The following SCD5 variants were observed in gnomAD, a reference collection of about 807,000 sequenced individuals.
SCD5 encodes acyl-CoA-desaturase 4.
In SCD5, 20 loss-of-function variants were observed where a neutral mutation model predicts 30.4. That is an observed-to-expected ratio of 0.66 (90% confidence interval 0.46 to 0.96). SCD5 has a LOEUF of 0.96. Ranked by LOEUF, SCD5 falls within the 40% of genes least tolerant of loss-of-function variation. SCD5 has a pLI of 0.00. For synonymous variants in SCD5, 173 were observed against 176.4 expected (o/e 0.98, Z 0.16); for missense variants, 381 against 443.3 (o/e 0.86, Z 1.26).
At chr4:82,670,727 T>C (rs1020574474) in intron 3 of SCD5, among the ~76,000 whole-genome samples, 10 of 151,838 alleles carry the variant, frequency 6.6e-5, no homozygotes, top group African/African-American at 2.2e-4. Context: ...TCAATTGATA[T>C]GGCAAATATC....
chr4:82,782,650 T>C (rs1721897099), intron 1 of SCD5, among the ~76,000 whole-genome samples: 1 of 148,434 alleles, frequency 6.7e-6, no homozygotes, highest in East Asian at 2.1e-4. Flanking sequence ...CCCACCCCCA[T>C]CCTCCCCCAA....
intron 3 of SCD5, among the ~76,000 whole-genome samples, chr4:82,657,048 T>A (rs988983489): frequency 3.9e-5 from 6 of 152,108 alleles, no homozygotes; most frequent in African/African-American, 1.4e-4. Flanking sequence ...TCTGTAGGTT[T>A]CCTGTTCACT....
chr4:82,642,761 TGA>T (rs1380135131), intron 3 of SCD5, among the ~76,000 whole-genome samples: 1 of 152,244 alleles, frequency 6.6e-6, no homozygotes, highest in Admixed American at 6.5e-5. Flanking sequence ...TGACTGATGC[TGA>T]GCACCCACTG....
chr4:82,731,727 C>T (rs1304196845), intron 1 of SCD5, among the ~76,000 whole-genome samples: 1 of 152,200 alleles, frequency 6.6e-6, no homozygotes, highest in Admixed American at 6.5e-5. Context: ...GAAGTCCCAT[C>T]ACACCCCACC....
chr4:82,777,963 A>G (rs529107686), intron 1 of SCD5, among the ~76,000 whole-genome samples: 3 of 148,006 alleles, frequency 2.0e-5, no homozygotes, highest in East Asian at 4.0e-4. Flanking sequence ...TCATGGAACC[A>G]ACCCAAATGC....
intron 3 of SCD5, among the ~76,000 whole-genome samples, chr4:82,659,705 T>G (rs900866268): frequency 7.9e-5 from 12 of 152,228 alleles, no homozygotes; most frequent in Non-Finnish European, 1.8e-4. Flanking sequence ...ACTGTTATGA[T>G]TTCCATTCTT....
intron 1 of SCD5, among the ~76,000 whole-genome samples, chr4:82,732,002 C>A (rs2148835911): frequency 6.6e-6 from 1 of 152,194 alleles, no homozygotes; most frequent in East Asian, 1.9e-4. Context: ...CAATTAGGGC[C>A]CCTTTCTCTC....
At chr4:82,702,938 T>G (rs776748205) in intron 2 of SCD5, among the ~76,000 whole-genome samples, 7 of 152,220 alleles carry the variant, frequency 4.6e-5, no homozygotes, top group Non-Finnish European at 7.4e-5. Flanking sequence ...CTGCATGTTA[T>G]GGAAACTGGC....
chr4:82,752,824 A>G (rs1157516133), intron 1 of SCD5, among the ~76,000 whole-genome samples: 4 of 152,176 alleles, frequency 2.6e-5, no homozygotes, highest in Admixed American at 1.3e-4. Context: ...AGTGTTGAAA[A>G]TGGATACAAA....
intron 3 of SCD5, among the ~76,000 whole-genome samples, chr4:82,673,918 T>A (rs533639661): frequency 2.0e-5 from 3 of 152,278 alleles, no homozygotes; most frequent in African/African-American, 4.8e-5. Flanking sequence ...GTAGTCTTTT[T>A]AACAAATTAT....
chr4:82,664,999 C>CTCTCTCTCTA (rs1219554314), intron 3 of SCD5, among the ~76,000 whole-genome samples: 15 of 70,492 alleles, frequency 2.1e-4, no homozygotes, highest in African/African-American at 3.0e-4. Flanking sequence ...CTCTCTCTCT[C>CTCTCTCTCTA]TATATATATA....
At chr4:82,664,353 T>G (rs1728118755) in intron 3 of SCD5, among the ~76,000 whole-genome samples, 1 of 152,206 alleles carries the variant, frequency 6.6e-6, no homozygotes, top group Non-Finnish European at 1.5e-5. Context: ...GTGCCCATGC[T>G]CAAGCATAAA....
intron 2 of SCD5, among the ~76,000 whole-genome samples, chr4:82,704,749 C>A (rs971251693): frequency 5.3e-5 from 8 of 152,216 alleles, no homozygotes; most frequent in African/African-American, 1.7e-4. Flanking sequence ...CCTCGCAGGG[C>A]AACCTCGGGA....
chr4:82,738,017 G>C (rs979331077), intron 1 of SCD5, among the ~76,000 whole-genome samples: 1 of 148,572 alleles, frequency 6.7e-6, no homozygotes, highest in Non-Finnish European at 1.5e-5. Context: ...CACCCAAATT[G>C]TAAAACAACA....
chr4:82,767,649 T>C (rs1011615074), intron 1 of SCD5, among the ~76,000 whole-genome samples: 1 of 152,208 alleles, frequency 6.6e-6, no homozygotes, highest in Non-Finnish European at 1.5e-5. Flanking sequence ...CTCCAGAGAA[T>C]TTTGCTAGAA....
chr4:82,751,709 C>T (rs1195106235), intron 1 of SCD5, among the ~76,000 whole-genome samples: 2 of 152,178 alleles, frequency 1.3e-5, no homozygotes, highest in Non-Finnish European at 2.9e-5. Flanking sequence ...GCACTGCAAC[C>T]TTTGACTCCC....
chr4:82,713,852 C>T (rs768468247), intron 1 of SCD5, among the ~76,000 whole-genome samples: 23 of 152,200 alleles, frequency 1.5e-4, no homozygotes, highest in Admixed American at 3.3e-4. Flanking sequence ...ATCACCTCAC[C>T]CCTGACACCT....
intron 3 of SCD5, among the ~76,000 whole-genome samples, chr4:82,664,598 G>C (rs1302984205): frequency 1.3e-5 from 2 of 152,176 alleles, no homozygotes; most frequent in Non-Finnish European, 2.9e-5. Context: ...TGCATGAACA[G>C]ATGGGAGATT....
intron 1 of SCD5, among the ~76,000 whole-genome samples, chr4:82,781,091 G>C (rs1240144061): frequency 1.3e-5 from 2 of 152,188 alleles, no homozygotes; most frequent in Non-Finnish European, 2.9e-5. Flanking sequence ...GCACCAGCTA[G>C]GGCTTGAGAA....
Sources: gnomAD v4.1 joint callset for allele counts (sites outside exome capture counted in the v4.1 genomes callset) on GRCh38, gnomAD v4.1.1 for gene constraint, MANE v1.5 for transcripts, NCBI Gene and HGNC (gene_info 2026-07-23, HGNC 2026-07-21) for gene names.